The following MICU2 variants were observed in gnomAD, a reference collection of about 807,000 sequenced individuals.
The protein encoded by MICU2 is calcium uptake protein 2, mitochondrial.
A neutral mutation model predicts 60.4 loss-of-function variants in MICU2; 64 were observed. That is an observed-to-expected ratio of 1.06 (90% CI 0.87 to 1.31). The LOEUF (loss-of-function observed/expected upper bound fraction) is 1.31. MICU2 is among the 50% of genes most tolerant of loss of function. MICU2 has a pLI of 0.00. For synonymous variants in MICU2, 201 were observed against 175.0 expected, an observed-to-expected ratio of 1.15 and a Z score of -1.17; for missense variants, 569 against 531.0, an observed-to-expected ratio of 1.07 and a Z score of -0.70.
chr13:21,530,211 T>C (rs2138179647), intron 4 of MICU2, among the ~76,000 whole-genome samples: 1 of 152,364 alleles, frequency 6.6e-6, no homozygotes, highest in East Asian at 1.9e-4. Context: ...AGCCACTGCA[T>C]GTGCATTTTA....
At chr13:21,523,348 A>T (rs1886771913) in intron 4 of MICU2, among the ~76,000 whole-genome samples, 1 of 152,238 alleles carries the variant, frequency 6.6e-6, no homozygotes, top group Admixed American at 6.5e-5. Flanking sequence ...CGCAAATAAC[A>T]GGCATCCACT....
chr13:21,553,450 C>T (rs1039050895), intron 2 of MICU2, among the ~76,000 whole-genome samples: 2 of 152,066 alleles, frequency 1.3e-5, no homozygotes, highest in Non-Finnish European at 2.9e-5. Flanking sequence ...CTGCCCTGGC[C>T]AGAACTTGCA....
rs1453889060 is a variant in MICU2 at position 21,604,002 on chromosome 13, C to CGCTCCT, written c.141_146dup (p.Gly48_Ala49dup). 2.5e-6 allele frequency: 4 copies of CGCTCCT among 1,610,872 alleles called. No homozygotes were observed. The highest frequency in any genetic ancestry group is 1.3e-5 in the African/African-American group (1 of 74,722). On this transcript the variant is annotated inframe_insertion, in exon 1 of 12. Coordinates refer to ENST00000382374, the MANE Select transcript of MICU2 (RefSeq NM_152726.3). ...CACTGACGCGGCTGTGGTGCCAGGC[C>CGCTCCT]GCTCCTGCTCCTGCCAGGGCCGCGC...
chr13:21,573,825 A>G (rs566124821), intron 1 of MICU2, among the ~76,000 whole-genome samples: 1 of 152,332 alleles, frequency 6.6e-6, no homozygotes, highest in South Asian at 2.1e-4. Flanking sequence ...ATGTGGAGAA[A>G]TAAAAGCAGT....
At chr13:21,578,530 A>C (rs1238406616) in intron 1 of MICU2, among the ~76,000 whole-genome samples, 1 of 152,198 alleles carries the variant, frequency 6.6e-6, no homozygotes, top group Admixed American at 6.5e-5. Context: ...TTGAGACTGC[A>C]GTAAGCCAGT....
chr13:21,596,584 T>G (rs1888696663), intron 1 of MICU2, among the ~76,000 whole-genome samples: 1 of 152,000 alleles, frequency 6.6e-6, no homozygotes, highest in East Asian at 1.9e-4. Flanking sequence ...CCACCATGCC[T>G]GGCTAATTTT....
At chr13:21,508,554 C>T (rs1886351467) in intron 8 of MICU2, among the ~76,000 whole-genome samples, 2 of 152,168 alleles carry the variant, frequency 1.3e-5, no homozygotes. Flanking sequence ...CAGGGCCTCT[C>T]ATCACTGAGT....
At chr13:21,530,724 G>A (rs12431166) in intron 4 of MICU2, 34,104 of 469,832 alleles carry the variant, frequency 0.073, 2,144 homozygotes, top group Admixed American at 0.22. Flanking sequence ...GCACAAGGTG[G>A]CGAGCCCAGA....
chr13:21,549,474 T>C (rs1382020882), intron 2 of MICU2, among the ~76,000 whole-genome samples: 4 of 152,152 alleles, frequency 2.6e-5, no homozygotes, highest in East Asian at 3.9e-4. Context: ...CGCAAAGATA[T>C]GGGGTCACAT....
chr13:21,596,829 G>C (rs1194768630), intron 1 of MICU2, among the ~76,000 whole-genome samples: 1 of 152,192 alleles, frequency 6.6e-6, no homozygotes, highest in Non-Finnish European at 1.5e-5. Flanking sequence ...TTAAGATACA[G>C]AGCTTGTTAT....
At chr13:21,603,792 C>G in intron 1 of MICU2, 147 bp downstream of exon 1, 2 of 877,458 alleles carry the variant, frequency 2.3e-6, no homozygotes, top group Non-Finnish European at 1.7e-6. Context: ...AGGAGCGAGT[C>G]CCACCAGTCG....
chr13:21,512,231 C>A (rs1421408646), intron 7 of MICU2, among the ~76,000 whole-genome samples: 1 of 152,062 alleles, frequency 6.6e-6, no homozygotes, highest in Non-Finnish European at 1.5e-5. Context: ...CTTTTATGTG[C>A]TTGTTTTTGC....
intron 8 of MICU2, among the ~76,000 whole-genome samples, chr13:21,508,347 G>A (rs759532959): frequency 1.1e-4 from 16 of 151,532 alleles, no homozygotes; most frequent in Non-Finnish European, 1.8e-4. Context: ...GGATGGTCTC[G>A]GTCTCCTGAC....
chr13:21,523,361 A>C (rs34886992), intron 4 of MICU2, among the ~76,000 whole-genome samples: 2,286 of 152,306 alleles, frequency 0.015, 43 homozygotes, highest in African/African-American at 0.047. Flanking sequence ...CATCCACTAC[A>C]AGTTTTATTT....
intron 9 of MICU2, among the ~76,000 whole-genome samples, chr13:21,497,597 C>A (rs1016327048): frequency 1.3e-5 from 2 of 151,912 alleles, no homozygotes; most frequent in Admixed American, 6.6e-5. Flanking sequence ...GTGGTCCCAG[C>A]GACTGAGGAG....
At chr13:21,537,498 T>G (rs1172786048) in intron 4 of MICU2, among the ~76,000 whole-genome samples, 1 of 149,402 alleles carries the variant, frequency 6.7e-6, no homozygotes, top group Non-Finnish European at 1.5e-5. Context: ...AGACAGAGTT[T>G]CACTCTTGTT....
At chr13:21,508,987 A>G (rs1886362375) in intron 8 of MICU2, among the ~76,000 whole-genome samples, 1 of 152,180 alleles carries the variant, frequency 6.6e-6, no homozygotes, top group Non-Finnish European at 1.5e-5. Context: ...TACTATCCCT[A>G]GTGTTTGAGG....
chr13:21,597,969 G>C (rs1447568823), intron 1 of MICU2, among the ~76,000 whole-genome samples: 1 of 139,738 alleles, frequency 7.2e-6, no homozygotes, highest in Admixed American at 7.1e-5. Context: ...AGAGCGATAA[G>C]TACTATGAAA....
At chr13:21,520,810 C>T (rs1047057259) in intron 6 of MICU2, among the ~76,000 whole-genome samples, 2 of 152,028 alleles carry the variant, frequency 1.3e-5, no homozygotes, top group Non-Finnish European at 2.9e-5. Flanking sequence ...GGAAAATTTG[C>T]ACCAATTTAT....
Sources: allele counts gnomAD v4.1 joint callset (sites outside exome capture counted in the v4.1 genomes callset), GRCh38; gene constraint gnomAD v4.1.1; transcripts MANE v1.5; gene names NCBI Gene and HGNC (gene_info 2026-07-23, HGNC 2026-07-21).